RUNDC3B: variants seen among roughly 807,000 people sequenced by gnomAD.
RUNDC3B encodes the protein RUN domain-containing protein 3B.
In RUNDC3B, 33 loss-of-function variants were observed where a neutral mutation model predicts 58.4. That is an observed-to-expected ratio of 0.56 (90% CI 0.43 to 0.75). RUNDC3B has a LOEUF of 0.75. RUNDC3B is among the 30% of genes least tolerant of loss of function. The probability of loss-of-function intolerance (pLI) is 0.00; values close to 1 mark genes in which losing one functional copy is unlikely to be tolerated. For missense variants in RUNDC3B, 501 were observed against 535.7 expected (o/e 0.94, Z 0.64); for synonymous variants, 193 against 195.2 (o/e 0.99, Z 0.10).
intron 6 of RUNDC3B, 63 bp downstream of exon 6, chr7:87,741,642 G>A (rs1832333166): frequency 2.1e-6 from 2 of 935,518 alleles, no homozygotes; most frequent in Non-Finnish European, 3.3e-6. Context: ...CTTGTGCAAT[G>A]TTTGTCTGAT....
chr7:87,745,369 A>G (rs1216281851), intron 6 of RUNDC3B, among the ~76,000 whole-genome samples: 1 of 151,996 alleles, frequency 6.6e-6, no homozygotes, highest in East Asian at 1.9e-4. Context: ...TCTCTATCTT[A>G]TGGAATAATG....
intron 2 of RUNDC3B, among the ~76,000 whole-genome samples, chr7:87,676,154 G>A (rs532059379): frequency 4.5e-4 from 68 of 152,218 alleles, no homozygotes; most frequent in South Asian, 1.0e-3. Context: ...TTGAACCCAG[G>A]AGTTTGAGGC....
rs182141030 is a variant in RUNDC3B at position 87,760,866 on chromosome 7, A to C, written c.630-9715A>C. Among the ~76,000 whole-genome samples, 165 of 152,158 alleles carry C rather than the reference A, an allele frequency of 1.1e-3. 1 individual carries two copies. Among genetic ancestry groups the C allele is most frequent in the Non-Finnish European group, 1.8e-3 (122 of 67,924 alleles). On this transcript the variant is annotated intron_variant, in intron 6 of 10. Coordinates refer to ENST00000394654, the MANE Select transcript of RUNDC3B (RefSeq NM_001134405.2). ...AAGACCCACATGTAAGAGCTAACAC[A>C]ATAAAATCTTATAAGGAAACATAGG...
chr7:87,715,510 A>G (rs1830508296), intron 4 of RUNDC3B, among the ~76,000 whole-genome samples: 1 of 132,160 alleles, frequency 7.6e-6, no homozygotes, highest in Non-Finnish European at 1.6e-5. Context: ...TATTATATAT[A>G]ATTAATTATA....
At chr7:87,733,793 T>C (rs1026841881) in intron 4 of RUNDC3B, among the ~76,000 whole-genome samples, 1 of 152,122 alleles carries the variant, frequency 6.6e-6, no homozygotes, top group African/African-American at 2.4e-5. Context: ...AGTCGGAGCT[T>C]AGGTGATAAT....
At chr7:87,786,440 A>G (rs1372960983) in intron 8 of RUNDC3B, among the ~76,000 whole-genome samples, 2 of 152,014 alleles carry the variant, frequency 1.3e-5, no homozygotes, top group African/African-American at 4.8e-5. Context: ...GGTATTTTAA[A>G]GAGAGTTTGT....
At chr7:87,704,764 T>C (rs1232934209) in intron 3 of RUNDC3B, among the ~76,000 whole-genome samples, 1 of 152,216 alleles carries the variant, frequency 6.6e-6, no homozygotes, top group East Asian at 1.9e-4. Context: ...TGCCTAGTTA[T>C]GCTGGGAAGA....
intron 1 of RUNDC3B, among the ~76,000 whole-genome samples, chr7:87,648,277 T>C (rs186828165): frequency 6.6e-6 from 1 of 152,014 alleles, no homozygotes; most frequent in African/African-American, 2.4e-5. Flanking sequence ...GAAGAAATCA[T>C]TGATCATGGG....
intron 2 of RUNDC3B, among the ~76,000 whole-genome samples, chr7:87,677,524 T>A (rs986042923): frequency 6.6e-6 from 1 of 151,876 alleles, no homozygotes; most frequent in African/African-American, 2.4e-5. Context: ...GGCTGGGGGA[T>A]AGGAGAAAAG....
At chr7:87,645,081 C>CT (rs551936794) in intron 1 of RUNDC3B, among the ~76,000 whole-genome samples, 5,158 of 128,066 alleles carry the variant, frequency 0.04, 101 homozygotes, top group Middle Eastern at 0.05. Context: ...TGCTTTCTTT[C>CT]TTTTTTTTTT....
intron 2 of RUNDC3B, among the ~76,000 whole-genome samples, chr7:87,679,845 C>T (rs974100943): frequency 1.3e-5 from 2 of 150,580 alleles, no homozygotes; most frequent in Non-Finnish European, 2.9e-5. Context: ...AAAGTATGTT[C>T]TCTGTAATGG....
chr7:87,768,681 C>A (rs2130865979), intron 6 of RUNDC3B, among the ~76,000 whole-genome samples: 1 of 152,258 alleles, frequency 6.6e-6, no homozygotes, highest in East Asian at 1.9e-4. Context: ...CCCTACCTAC[C>A]CTTTCTATGG....
chr7:87,668,601 A>T (rs1261237649), intron 2 of RUNDC3B, among the ~76,000 whole-genome samples: 2 of 151,152 alleles, frequency 1.3e-5, no homozygotes, highest in Non-Finnish European at 3.0e-5. Flanking sequence ...TAACTTTTTG[A>T]TGTGGGCATT....
In RUNDC3B at chr7:87,778,465, A is replaced by G. The variant is rs115143318; in HGVS notation, c.956+510A>G. Among the ~76,000 whole-genome samples the G allele has an allele frequency of 2.7e-3, 412 of 152,104 alleles. 3 individuals are homozygous for G. Among genetic ancestry groups the G allele is most frequent in the African/African-American group, 9.3e-3 (384 of 41,490 alleles). On this transcript the variant is annotated intron_variant, in intron 8 of 10. Coordinates refer to ENST00000394654, the MANE Select transcript of RUNDC3B (RefSeq NM_001134405.2). ...CAAAAAAAAAAAAAAAAGGAATAAG[A>G]ATAAGAAAATACAAGAAGAGAATAA...
At chr7:87,687,302 A>C (rs1394136773) in intron 2 of RUNDC3B, among the ~76,000 whole-genome samples, 1 of 152,054 alleles carries the variant, frequency 6.6e-6, no homozygotes, top group Non-Finnish European at 1.5e-5. Context: ...TGTAAGGAGC[A>C]CACTTCTTCT....
At chr7:87,778,960 C>T (rs1430789702) in intron 8 of RUNDC3B, among the ~76,000 whole-genome samples, 1 of 152,012 alleles carries the variant, frequency 6.6e-6, no homozygotes, top group Non-Finnish European at 1.5e-5. Flanking sequence ...TATGATGTTT[C>T]CTAGATTCAT....
chr7:87,700,565 G>A lies in RUNDC3B; in HGVS notation c.372+11G>A. 1 of 1,596,998 alleles carries A rather than the reference G, an allele frequency of 6.3e-7. No individual in the cohort carries two copies. The highest frequency in any genetic ancestry group is 2.2e-5 in the East Asian group (1 of 44,686). On this transcript the variant is annotated intron_variant, in intron 3 of 10. Transcript: ENST00000394654. Reference sequence around the variant, plus strand: ...TCTTCTAGAGCTAAGGTAAGACATTGGTCAGAGACTCGTTTCTATTTTTTT... The same window carrying A: ...TCTTCTAGAGCTAAGGTAAGACATTAGTCAGAGACTCGTTTCTATTTTTTT...
At chr7:87,659,308 T>C (rs1824456696) in intron 2 of RUNDC3B, 2 of 359,936 alleles carry the variant, frequency 5.6e-6, no homozygotes, top group South Asian at 2.3e-5. Flanking sequence ...TTCTTTTTTC[T>C]GTCTTCTAGG....
chr7:87,716,506 C>T (rs1292743170), intron 4 of RUNDC3B, among the ~76,000 whole-genome samples: 7 of 152,154 alleles, frequency 4.6e-5, no homozygotes, highest in African/African-American at 1.7e-4. Flanking sequence ...ACCAATTTAT[C>T]TCATCTTTGG....
Sources: gnomAD v4.1 joint callset for allele counts (sites outside exome capture counted in the v4.1 genomes callset) on GRCh38, gnomAD v4.1.1 for gene constraint, MANE v1.5 for transcripts, NCBI Gene and HGNC (gene_info 2026-07-23, HGNC 2026-07-21) for gene names.